Variants in DHX33 observed in about 807,000 individuals in gnomAD.
The protein encoded by DHX33 is DEAH-box helicase 33.
A neutral mutation model predicts 72.5 loss-of-function variants in DHX33; 42 were observed. The observed-to-expected ratio is 0.58, with a 90% CI of 0.45 to 0.75. The LOEUF is 0.75. Among genes scored for constraint, DHX33 ranks in the 30% least tolerant of loss-of-function variants. The pLI, the probability that DHX33 is intolerant of heterozygous loss-of-function variation, is 0.00. For missense variants in DHX33, 842 were observed against 917.5 expected, an observed-to-expected ratio of 0.92 and a Z score of 1.06; for synonymous variants, 358 against 366.1, an observed-to-expected ratio of 0.98 and a Z score of 0.25.
rs554142365 is a variant in DHX33, at chr17:5,467,615, GGCCGGGAATATGCCA to G, written c.289+941_289+955del. On this transcript the variant is annotated intron_variant, in intron 1 of 11. Transcript: ENST00000225296. The stretch of plus-strand genomic sequence containing the variant: ...ACATGTTAAGGGATAACCCCACTCT[GGCCGGGAATATGCCA>G]GCCGGGAATATGCCAGCCGGGAGAT... Among the ~76,000 whole-genome samples the G allele has an allele frequency of 9.9e-4, 150 of 152,228 alleles. 1 individual carries two copies. In the East Asian group the frequency reaches 0.017, roughly 17 times the overall value.
Position 5,444,415 on chromosome 17 carries a change from A to T in DHX33, c.1914T>A (p.Asp638Glu), listed in dbSNP as rs1239871716. The T allele has an allele frequency of 6.2e-7, 1 of 1,614,252 alleles. No individual in the cohort carries two copies. The highest frequency in any genetic ancestry group is 2.2e-5 in the East Asian group (1 of 44,890). The change falls in exon 12 of 12, where the codon GAT (aspartate) becomes GAA (glutamate). Residue 638 changes from aspartate (D) to glutamate (E), a missense_variant. Physicochemically the swap from Asp to Glu is conservative, Grantham distance 45 (BLOSUM62 2). Transcript: ENST00000225296. The surrounding 1 kb of genome is among the most constrained non-coding windows in gnomAD (Gnocchi z 4.9). ...GGGTGTCCGTGGTGGCATAGGTGCC[A>T]TCTGGCTGAAGCTCGGCGGTGCTCA... ...LFMSTAELQP[D>E]GTYATTDTHQ... is the part of the protein sequence containing the mutation.
At chr17:5,451,784 G>A (rs1024265353) in intron 8 of DHX33, among the ~76,000 whole-genome samples, 2 of 152,120 alleles carry the variant, frequency 1.3e-5, no homozygotes, top group Non-Finnish European at 1.5e-5. Context: ...AAAAAGCAGT[G>A]TGTTTCTCAT....
At chr17:5,462,218 G>A in intron 3 of DHX33, 101 bp downstream of exon 3, 1 of 1,119,298 alleles carries the variant, frequency 8.9e-7, no homozygotes, top group Admixed American at 2.3e-5. Context: ...GGGATTACAG[G>A]CGTGAGCCAC....
At chr17:5,468,236 C>A (rs1227472841) in intron 1 of DHX33, among the ~76,000 whole-genome samples, 2 of 152,186 alleles carry the variant, frequency 1.3e-5, no homozygotes, top group African/African-American at 4.8e-5. Context: ...GCCTAGAATG[C>A]CCTCCCTCCC....
Position 5,450,686 on chromosome 17 carries a change from G to T in DHX33, c.1524+121C>A, listed in dbSNP as rs1033693498. 9.1e-6 allele frequency: 13 copies of T among 1,421,236 alleles called. No homozygotes were observed. In the African/African-American group the frequency reaches 1.4e-4, roughly 16 times the overall value. The allele number at this position is 1,421,236 out of a possible 1,614,324, so 88.0% of individuals were successfully genotyped here. ...TGAATCAGGGCTATTTGCAAACTAG[G>T]GGTTGGTAATTATGTAAGAGAAAAA... On this transcript the variant is annotated intron_variant, in intron 9 of 11. Coordinates refer to ENST00000225296, the MANE Select transcript of DHX33 (RefSeq NM_020162.4).
chr17:5,463,496 A>G (rs1193772658), intron 2 of DHX33, 33 bp downstream of exon 2: 3 of 1,606,902 alleles, frequency 1.9e-6, no homozygotes, highest in Non-Finnish European at 2.6e-6. Flanking sequence ...TGTTGAGTCA[A>G]GAAGTACTAA....
rs1454632039 is a variant in DHX33, at chr17:5,468,933, C to A, written c.-74G>T. On this transcript the variant is annotated 5_prime_UTR_variant, in exon 1 of 12. Transcript: ENST00000225296. ...CCCTCTCAGGTGCAGACAACAGGAG[C>A]ACACCGCCCCTTCCTCGCCGCCACG... The A allele has an allele frequency of 4.7e-6, 7 of 1,482,788 alleles. No homozygotes were observed. Among genetic ancestry groups the A allele is most frequent in the African/African-American group, 4.3e-5 (3 of 70,382 alleles). 91.9% of individuals were successfully genotyped at this position (1,482,788 alleles called of 1,614,324 possible).
chr17:5,465,869 G>A (rs959482016), intron 1 of DHX33, among the ~76,000 whole-genome samples: 7 of 152,100 alleles, frequency 4.6e-5, no homozygotes, highest in African/African-American at 1.7e-4. Flanking sequence ...TCTAAAATGT[G>A]GTCTCTCCCT....
chr17:5,467,521 G>C (rs1351793272), intron 1 of DHX33, among the ~76,000 whole-genome samples: 2 of 152,158 alleles, frequency 1.3e-5, no homozygotes, highest in African/African-American at 4.8e-5. Flanking sequence ...AATGGCTAAG[G>C]TCAGCACGAC....
At chr17:5,450,558 T>G in intron 9 of DHX33, 152 bp from the exon 10 acceptor site, 2 of 991,126 alleles carry the variant, frequency 2.0e-6, no homozygotes, top group Non-Finnish European at 1.5e-6. Flanking sequence ...GTTATTTCAC[T>G]CTTTAATATT....
intron 2 of DHX33, 117 bp downstream of exon 2, chr17:5,463,412 G>T: frequency 9.3e-7 from 1 of 1,079,698 alleles, no homozygotes; most frequent in Non-Finnish European, 1.3e-6. Flanking sequence ...CGGAAGAATA[G>T]GCAAGAAAGC....
chr17:5,445,559 G>A (rs1020992344), intron 11 of DHX33, among the ~76,000 whole-genome samples: 1 of 152,214 alleles, frequency 6.6e-6, no homozygotes, highest in East Asian at 1.9e-4. Context: ...CTCTTGATGA[G>A]TGGGGCATGT....
intron 1 of DHX33, among the ~76,000 whole-genome samples, chr17:5,465,744 T>C (rs1477835148): frequency 6.6e-6 from 1 of 152,196 alleles, no homozygotes; most frequent in Non-Finnish European, 1.5e-5. Context: ...CTGCCATCGA[T>C]CTTTTTTCTT....
Position 5,457,656 on chromosome 17 carries a change from T to G in DHX33, c.850-1474A>C, listed in dbSNP as rs529214489. Among the ~76,000 whole-genome samples the G allele has an allele frequency of 2.1e-4, 32 of 151,366 alleles. No individual in the cohort carries two copies. The South Asian group carries it at 6.5e-3, about 31-fold the overall frequency. ...ATGGCAAAATAAATAGAAAAAAATT[T>G]TAATAATTATATGTATATTTATGTA... is the stretch of plus-strand genomic sequence containing the variant. On this transcript the variant is annotated intron_variant, in intron 4 of 11. Transcript: ENST00000225296.
intron 8 of DHX33, 62 bp from the exon 9 acceptor site, chr17:5,450,996 C>A: frequency 6.3e-7 from 1 of 1,585,896 alleles, no homozygotes; most frequent in South Asian, 1.1e-5. Context: ...GCAGCTAGTT[C>A]AGTATTTCTG....
At chr17:5,464,609 C>T (rs989862269) in intron 1 of DHX33, among the ~76,000 whole-genome samples, 4 of 152,068 alleles carry the variant, frequency 2.6e-5, no homozygotes, top group Non-Finnish European at 4.4e-5. Context: ...TATAAAGATA[C>T]AGCTTCAAAG....
chr17:5,455,330 C>G, intron 5 of DHX33, 59 bp from the exon 6 acceptor site: 1 of 1,372,838 alleles, frequency 7.3e-7, no homozygotes, highest in Non-Finnish European at 1.0e-6. Context: ...CAGAAGTCTT[C>G]AAACATATTC....
chr17:5,462,200 A>T, intron 3 of DHX33, 119 bp downstream of exon 3: 5 of 927,586 alleles, frequency 5.4e-6, no homozygotes, highest in Non-Finnish European at 8.0e-6. Context: ...TTGGCCTCCC[A>T]AAGTGCTGGG....
chr17:5,444,755 G>A lies in DHX33; in HGVS notation c.1816-242C>T, dbSNP rs922104991. ...CTACCGCCTGTGAAGGTAGGGCTGGGAGGGAGGTGCTCACATTAGCCACCA... is the reference window on the plus strand; with the variant it reads ...CTACCGCCTGTGAAGGTAGGGCTGGAAGGGAGGTGCTCACATTAGCCACCA... On this transcript the variant is annotated intron_variant, in intron 11 of 11. Coordinates refer to ENST00000225296, the MANE Select transcript of DHX33 (RefSeq NM_020162.4). The surrounding 1 kb of genome is among the most constrained non-coding windows in gnomAD (Gnocchi z 4.9). Among the ~76,000 whole-genome samples the A allele has an allele frequency of 5.3e-5, 8 of 152,226 alleles. No homozygotes were observed. Among genetic ancestry groups the A allele is most frequent in the Admixed American group, 5.2e-4 (8 of 15,288 alleles).
Sources: allele counts gnomAD v4.1 joint callset (sites outside exome capture counted in the v4.1 genomes callset), GRCh38; gene constraint gnomAD v4.1.1; non-coding constraint Gnocchi (gnomAD v3.1); transcripts MANE v1.5; gene names NCBI Gene and HGNC (gene_info 2026-07-23, HGNC 2026-07-21).